FBXO40: variants seen among roughly 807,000 people sequenced by gnomAD.
FBXO40 encodes the protein F-box protein 40.
In FBXO40, 50 loss-of-function variants were observed where a neutral mutation model predicts 49.9. The ratio of observed to expected loss-of-function variants is 1.00; its 90% CI spans 0.80 to 1.27. The LOEUF (loss-of-function observed/expected upper bound fraction) is 1.27. Ranked by LOEUF, FBXO40 falls within the 50% of genes most tolerant of loss-of-function variation. The probability of loss-of-function intolerance (pLI) is 0.00; values close to 1 mark genes in which losing one functional copy is unlikely to be tolerated. For missense variants in FBXO40, 895 were observed against 870.1 expected, an observed-to-expected ratio of 1.03 and a Z score of -0.36; for synonymous variants, 340 against 320.2, an observed-to-expected ratio of 1.06 and a Z score of -0.66.
intron 1 of FBXO40, among the ~76,000 whole-genome samples, chr3:121,606,561 A>G (rs1430025434): frequency 6.6e-6 from 1 of 152,178 alleles, no homozygotes; most frequent in Non-Finnish European, 1.5e-5. Flanking sequence ...TTATATCCAT[A>G]TTCACACAAT....
Position 121,622,599 on chromosome 3 carries a change from G to A in FBXO40, c.1170G>A (p.Leu390=), listed in dbSNP as rs1012093493. ...ATTTGGGGATCACTGTGGAGGACCTGCCCAAATCAGATCTCATCAAGACCA... is the reference window on the plus strand; with the variant it reads ...ATTTGGGGATCACTGTGGAGGACCTACCCAAATCAGATCTCATCAAGACCA... ...TSDLGITVED[L]PKSDLIKTTL... The change falls in exon 3 of 4, where the codon CTG becomes CTA. Residue 390 remains leucine, a synonymous_variant. Coordinates refer to ENST00000338040, the MANE Select transcript of FBXO40 (RefSeq NM_016298.4). 3.1e-6 allele frequency: 5 copies of A among 1,614,206 alleles called. No individual in the cohort carries two copies. The highest frequency in any genetic ancestry group is 4.2e-6 in the Non-Finnish European group (5 of 1,180,044).
rs2049079219 is a variant in FBXO40 at position 121,629,152 on chromosome 3, A to G, written c.*2242A>G. The G allele has an allele frequency of 6.6e-6, 1 of 152,244 alleles. No individual in the cohort carries two copies. The highest frequency in any genetic ancestry group is 1.5e-5 in the Non-Finnish European group (1 of 68,040). 9.4% of individuals were successfully genotyped at this position (152,244 alleles called of 1,614,324 possible). On this transcript the variant is annotated 3_prime_UTR_variant, in exon 4 of 4. Coordinates refer to ENST00000338040, the MANE Select transcript of FBXO40 (RefSeq NM_016298.4). ...CTCTGAAAAGAGTCTAGAAGGCAGT[A>G]GAGCAAGTCCCAGACCAGAAACATG...
intron 1 of FBXO40, among the ~76,000 whole-genome samples, chr3:121,604,239 T>C (rs2048919229): frequency 6.6e-6 from 1 of 152,196 alleles, no homozygotes; most frequent in African/African-American, 2.4e-5. Flanking sequence ...AGCTTGAAGC[T>C]GTTGCAGTTA....
At chr3:121,616,381 C>A (rs1385882824) in intron 1 of FBXO40, among the ~76,000 whole-genome samples, 3 of 152,214 alleles carry the variant, frequency 2.0e-5, no homozygotes, top group Non-Finnish European at 4.4e-5. Context: ...CAGCCAGCAT[C>A]TGTAGCAGTG....
At chr3:121,608,221 A>G (rs1381828021) in intron 1 of FBXO40, among the ~76,000 whole-genome samples, 1 of 152,254 alleles carries the variant, frequency 6.6e-6, no homozygotes, top group Non-Finnish European at 1.5e-5. Context: ...GCAGTAAAAC[A>G]GCATCTAACA....
At position 121,626,733 on chromosome 3, in the gene FBXO40, C is replaced by T; in HGVS notation, c.1953C>T (p.Ser651=). The T allele has an allele frequency of 1.2e-6, 2 of 1,614,154 alleles. No individual in the cohort carries two copies. The highest frequency in any genetic ancestry group is 1.7e-6 in the Non-Finnish European group (2 of 1,180,032). The change falls in exon 4 of 4, where the codon AGC becomes AGT. Residue 651 remains serine, a synonymous_variant. Transcript: ENST00000338040. ...GCAGCCTCTTCTCCAAAATCAAGAGCTGGGAGTTTAATGAAGTCACCTCCA... is the reference window on the plus strand; with the variant it reads ...GCAGCCTCTTCTCCAAAATCAAGAGTTGGGAGTTTAATGAAGTCACCTCCA... ...QFSSLFSKIK[S]WEFNEVTSMS...
chr3:121,619,992 C>G (rs1233599443), intron 1 of FBXO40, among the ~76,000 whole-genome samples: 1 of 152,252 alleles, frequency 6.6e-6, no homozygotes, highest in East Asian at 1.9e-4. Context: ...CAGTCAACTT[C>G]TGGGACCTTT....
chr3:121,615,894 G>A (rs576305204), intron 1 of FBXO40, among the ~76,000 whole-genome samples: 2 of 152,220 alleles, frequency 1.3e-5, no homozygotes, highest in Non-Finnish European at 1.5e-5. Flanking sequence ...TGAGTGCCTC[G>A]CTATTCACTT....
At chr3:121,600,248 C>T (rs1270058261) in intron 1 of FBXO40, among the ~76,000 whole-genome samples, 1 of 146,972 alleles carries the variant, frequency 6.8e-6, no homozygotes, top group African/African-American at 2.5e-5. Context: ...CTGTGTTGCC[C>T]AGGCTGATCT....
intron 1 of FBXO40, among the ~76,000 whole-genome samples, chr3:121,596,137 T>G (rs2108843010): frequency 6.6e-6 from 1 of 152,348 alleles, no homozygotes; most frequent in African/African-American, 2.4e-5. Flanking sequence ...TTAGCATGAC[T>G]TTGTTGACCA....
chr3:121,617,466 G>A lies in FBXO40; in HGVS notation c.-30-3080G>A, dbSNP rs528686219. ...AAAAATTAGCTGGGCATGGTGGTGG[G>A]CACCTGTAATCCTAGCTACTCGGGA... On this transcript the variant is annotated intron_variant, in intron 1 of 3. Transcript: ENST00000338040. Among the ~76,000 whole-genome samples the A allele has an allele frequency of 2.0e-5, 3 of 152,028 alleles. No individual in the cohort carries two copies. The South Asian group carries it at 6.2e-4, about 32-fold the overall frequency.
intron 1 of FBXO40, among the ~76,000 whole-genome samples, chr3:121,608,695 G>A (rs1257066860): frequency 8.5e-5 from 13 of 152,152 alleles, no homozygotes. Context: ...TCCAGGTGCT[G>A]TCCTAATGTT....
chr3:121,622,845 C>G lies in FBXO40; in HGVS notation c.1416C>G (p.Ser472Arg). 6.2e-7 allele frequency: 1 copy of G among 1,614,232 alleles called. No homozygotes were observed. The highest frequency in any genetic ancestry group is 8.5e-7 in the Non-Finnish European group (1 of 1,180,050). ...ECVTRRHNKS[S>R]SAFTFTCNKF... ...TGACCAGGAGACACAACAAAAGCAG[C>G]TCTGCCTTCACTTTCACTTGCAACA... Residue 472 changes from serine (S) to arginine (R), a missense_variant, in exon 3 of 4, where the codon AGC (serine) becomes AGG (arginine). Coordinates refer to ENST00000338040, the MANE Select transcript of FBXO40 (RefSeq NM_016298.4).
intron 1 of FBXO40, among the ~76,000 whole-genome samples, chr3:121,612,865 C>T (rs2331815): frequency 0.21 from 31,148 of 151,712 alleles, 3,668 homozygotes; most frequent in Admixed American, 0.35. Flanking sequence ...GTCAGTGAAT[C>T]GAGGCCATCC....
Position 121,622,115 on chromosome 3 carries a change from C to G in FBXO40, c.686C>G (p.Ser229Cys), listed in dbSNP as rs901626100. 5 of 1,614,098 alleles carry G rather than the reference C, an allele frequency of 3.1e-6. No homozygotes were observed. The African/African-American group carries it at 5.3e-5, about 17-fold the overall frequency. ...ATTTTCAGCAAAGAGCACGCAGCCT[C>G]TGCTTTAACAAATTCATCAGCGAGC... is the stretch of plus-strand genomic sequence containing the variant. ...ENIFSKEHAASALTNSSASCE... is the reference protein window; with the variant it reads ...ENIFSKEHAACALTNSSASCE... Residue 229 changes from serine to cysteine, a missense_variant, in exon 3 of 4, where the codon TCT (serine) becomes TGT (cysteine). Transcript: ENST00000338040.
At chr3:121,601,737 T>C (rs2048902239) in intron 1 of FBXO40, among the ~76,000 whole-genome samples, 1 of 152,242 alleles carries the variant, frequency 6.6e-6, no homozygotes, top group African/African-American at 2.4e-5. Context: ...AGTTAGACTT[T>C]CCTGGAGCTG....
intron 1 of FBXO40, among the ~76,000 whole-genome samples, chr3:121,618,541 A>G (rs2108850009): frequency 6.9e-6 from 1 of 144,070 alleles, no homozygotes; most frequent in East Asian, 2.0e-4. Flanking sequence ...CATATGCCAC[A>G]GTGCCCGGTT....
In FBXO40 at chr3:121,622,745, C is replaced by T. The variant is rs1167347201; in HGVS notation, c.1316C>T (p.Ser439Phe). 1 of 1,614,188 alleles carries T rather than the reference C, an allele frequency of 6.2e-7. No individual in the cohort carries two copies. Among genetic ancestry groups the T allele is most frequent in the Non-Finnish European group, 8.5e-7 (1 of 1,180,040 alleles). The change falls in exon 3 of 4, where the codon TCC becomes TTC. Residue 439 changes from serine (S) to phenylalanine (F), a missense_variant. Coordinates refer to ENST00000338040, the MANE Select transcript of FBXO40 (RefSeq NM_016298.4). Reference protein sequence around the residue: ...QTYNFEPEQFSSGTVLADLTA... With the variant: ...QTYNFEPEQFFSGTVLADLTA... The stretch of plus-strand genomic sequence containing the variant: ...TACAACTTTGAGCCAGAACAGTTTT[C>T]CTCTGGGACAGTGCTGGCTGACCTA...
chr3:121,612,328 G>A (rs2048970821), intron 1 of FBXO40, among the ~76,000 whole-genome samples: 1 of 152,182 alleles, frequency 6.6e-6, no homozygotes, highest in Non-Finnish European at 1.5e-5. Flanking sequence ...GGCTCTTTGG[G>A]GAACGAATGT....
Sources: gnomAD v4.1 joint callset for allele counts (sites outside exome capture counted in the v4.1 genomes callset) on GRCh38, gnomAD v4.1.1 for gene constraint, MANE v1.5 for transcripts, NCBI Gene and HGNC (gene_info 2026-07-23, HGNC 2026-07-21) for gene names.